ABTB3: variants seen among roughly 807,000 people sequenced by gnomAD.
The protein encoded by ABTB3 is ankyrin repeat and BTB domain containing 3, also known as ankyrin repeat- and BTB/POZ domain-containing protein 3.
At chr12:107,583,430 G>A in the ABTB3 span, among the ~76,000 whole-genome samples, 1 of 152,168 alleles carries the variant, frequency 6.6e-6, no homozygotes, top group African/African-American at 2.4e-5. Flanking sequence ...GTGACATTAG[G>A]TAACTCTGCC....
chr12:107,384,606 TATACTCACAA>T, the ABTB3 span, among the ~76,000 whole-genome samples: 3 of 152,222 alleles, frequency 2.0e-5, no homozygotes, highest in Non-Finnish European at 4.4e-5. Context: ...TGAGCTGTGA[TATACTCACAA>T]CAGAGGCCTC....
chr12:107,399,280 T>G, the ABTB3 span, among the ~76,000 whole-genome samples: 1 of 152,180 alleles, frequency 6.6e-6, no homozygotes, highest in Non-Finnish European at 1.5e-5. Flanking sequence ...TGAAGATATT[T>G]AAGTAACACA....
At chr12:107,405,268 G>T in the ABTB3 span, among the ~76,000 whole-genome samples, 2 of 152,140 alleles carry the variant, frequency 1.3e-5, no homozygotes, top group Non-Finnish European at 2.9e-5. Flanking sequence ...CAACCAAAAC[G>T]GTGGCCGGGC....
At chr12:107,320,056 C>A in the ABTB3 span, 5 of 1,509,362 alleles carry the variant, frequency 3.3e-6, no homozygotes, top group South Asian at 1.3e-5. Flanking sequence ...AGCACCTGAT[C>A]TGCGGGAAGA....
the ABTB3 span, among the ~76,000 whole-genome samples, chr12:107,415,958 C>G: frequency 9.9e-5 from 15 of 151,778 alleles, no homozygotes; most frequent in African/African-American, 3.4e-4. Flanking sequence ...TGTCAGATGA[C>G]TATGGAATTT....
chr12:107,656,211 G>A, the ABTB3 span, among the ~76,000 whole-genome samples: 3 of 151,096 alleles, frequency 2.0e-5, no homozygotes, highest in Non-Finnish European at 4.4e-5. Context: ...CGAGGCAGGA[G>A]AATCACCTGA....
At chr12:107,607,115 C>CCCTA in the ABTB3 span, among the ~76,000 whole-genome samples, 1 of 152,122 alleles carries the variant, frequency 6.6e-6, no homozygotes, top group Non-Finnish European at 1.5e-5. Context: ...CTTTCAGGGC[C>CCCTA]CCTAGTCTCT....
At chr12:107,500,871 G>T in the ABTB3 span, among the ~76,000 whole-genome samples, 2 of 152,210 alleles carry the variant, frequency 1.3e-5, no homozygotes, top group South Asian at 4.2e-4. Flanking sequence ...GCCTTTAAGT[G>T]GCTCTTCATT....
chr12:107,400,462 C>A, the ABTB3 span, among the ~76,000 whole-genome samples: 1 of 152,128 alleles, frequency 6.6e-6, no homozygotes, highest in Non-Finnish European at 1.5e-5. Context: ...GTCATGATTT[C>A]TCTGTTCTTG....
At chr12:107,565,296 T>A in the ABTB3 span, among the ~76,000 whole-genome samples, 3 of 152,152 alleles carry the variant, frequency 2.0e-5, no homozygotes, top group Non-Finnish European at 4.4e-5. Flanking sequence ...CTTTGTTCGC[T>A]GATTTTTTTT....
chr12:107,343,902 C>T, the ABTB3 span, among the ~76,000 whole-genome samples: 3 of 152,130 alleles, frequency 2.0e-5, no homozygotes, highest in Non-Finnish European at 4.4e-5. Context: ...GGACACCACC[C>T]CCATGATCCA....
chr12:107,655,766 CAAACT>C, the ABTB3 span, among the ~76,000 whole-genome samples: 44 of 152,146 alleles, frequency 2.9e-4, no homozygotes, highest in Non-Finnish European at 5.4e-4. Flanking sequence ...AAACCTGTCC[CAAACT>C]ATTCAGTCAT....
the ABTB3 span, among the ~76,000 whole-genome samples, chr12:107,481,743 G>C: frequency 6.6e-6 from 1 of 152,168 alleles, no homozygotes; most frequent in Admixed American, 6.5e-5. Context: ...CAGGGACTCG[G>C]TTGATGTCAC....
chr12:107,496,009 G>C, the ABTB3 span, among the ~76,000 whole-genome samples: 1 of 152,174 alleles, frequency 6.6e-6, no homozygotes, highest in African/African-American at 2.4e-5. Context: ...CACTGTTGCT[G>C]TTACTACTAT....
At chr12:107,571,850 C>T in the ABTB3 span, among the ~76,000 whole-genome samples, 6 of 152,346 alleles carry the variant, frequency 3.9e-5, no homozygotes, top group South Asian at 2.1e-4. Flanking sequence ...CCACATGGTA[C>T]GTGATGGACA....
the ABTB3 span, among the ~76,000 whole-genome samples, chr12:107,498,252 G>A: frequency 1.8e-4 from 27 of 152,340 alleles, no homozygotes; most frequent in African/African-American, 5.3e-4. Flanking sequence ...GGCAAAGGCC[G>A]AGGAAGGTGT....
the ABTB3 span, among the ~76,000 whole-genome samples, chr12:107,627,742 G>A: frequency 6.6e-5 from 10 of 152,178 alleles, no homozygotes; most frequent in Admixed American, 4.6e-4. Context: ...ATCTAGCCCA[G>A]TGAATATCCC....
the ABTB3 span, among the ~76,000 whole-genome samples, chr12:107,547,628 A>G: frequency 6.6e-6 from 1 of 152,324 alleles, no homozygotes; most frequent in African/African-American, 2.4e-5. Context: ...GAGTCAGCAC[A>G]AAACACAAAG....
At chr12:107,557,144 A>T in the ABTB3 span, among the ~76,000 whole-genome samples, 1 of 152,214 alleles carries the variant, frequency 6.6e-6, no homozygotes, top group Admixed American at 6.5e-5. Flanking sequence ...ACATTCTGAG[A>T]AATGCATCAT....
Sources: allele counts gnomAD v4.1 joint callset (sites outside exome capture counted in the v4.1 genomes callset), GRCh38; gene constraint gnomAD v4.1.1; transcripts MANE v1.5; gene names NCBI Gene and HGNC (gene_info 2026-07-23, HGNC 2026-07-21).